The following DLGAP2 variants were observed in gnomAD, a reference collection of about 807,000 sequenced individuals.
DLGAP2 encodes the protein disks large-associated protein 2.
DLGAP2 carries 26 observed loss-of-function variants against 100.3 expected under a neutral mutation model. The ratio of observed to expected loss-of-function variants is 0.26; its 90% confidence interval spans 0.19 to 0.36. The LOEUF (loss-of-function observed/expected upper bound fraction) is 0.36. DLGAP2 is among the 10% of genes least tolerant of loss of function. The probability of loss-of-function intolerance (pLI) is 1.00; values close to 1 mark genes in which losing one functional copy is unlikely to be tolerated. For synonymous variants in DLGAP2, 886 were observed against 630.1 expected, an observed-to-expected ratio of 1.41 and a Z score of -6.08; for missense variants, 1,858 against 1,453.2, an observed-to-expected ratio of 1.28 and a Z score of -4.53.
intron 1 of DLGAP2, among the ~76,000 whole-genome samples, chr8:809,210 T>C (rs1734556848): frequency 2.6e-5 from 4 of 152,156 alleles, no homozygotes; most frequent in Admixed American, 2.6e-4. Context: ...CGGCCAATGA[T>C]TACTTCTTCA....
chr8:933,131 T>C (rs1487204995), intron 2 of DLGAP2, among the ~76,000 whole-genome samples: 1 of 152,390 alleles, frequency 6.6e-6, no homozygotes, highest in East Asian at 1.9e-4. Context: ...AGCTGCTGTC[T>C]GTTCCCTTCA....
chr8:1,665,913 C>T (rs1193620988), intron 8 of DLGAP2, among the ~76,000 whole-genome samples: 1 of 152,238 alleles, frequency 6.6e-6, no homozygotes, highest in African/African-American at 2.4e-5. Context: ...CATCTCCACC[C>T]GCGGGCTCTC....
rs1363084930 is a variant in DLGAP2, at chr8:759,087, TTCCTGTTATCAATACCCCC to T, written c.18+21263_18+21281del. 1.8e-3 allele frequency among the ~76,000 whole-genome samples: 83 copies of T among 46,736 alleles called. 6 individuals are homozygous for T. The highest frequency in any genetic ancestry group is 4.6e-3 in the African/African-American group (78 of 17,084). The allele number at this position is 46,736 out of a possible 152,430, so 30.7% of individuals were successfully genotyped here. ...CCCATTATCAATACCCCCCACAGCC[TTCCTGTTATCAATACCCCC>T]GACAGCCTTCCCATTATCAATACCC... On this transcript the variant is annotated intron_variant, in intron 1 of 14. Transcript: ENST00000637795.
chr8:773,449 A>C (rs1821421055), intron 1 of DLGAP2, among the ~76,000 whole-genome samples: 2 of 151,102 alleles, frequency 1.3e-5, no homozygotes, highest in Non-Finnish European at 2.9e-5. Context: ...TGCACTCACT[A>C]ACTCGTCATC....
chr8:958,707 C>G (rs1348260167), intron 2 of DLGAP2, among the ~76,000 whole-genome samples: 1 of 151,550 alleles, frequency 6.6e-6, no homozygotes, highest in African/African-American at 2.4e-5. Flanking sequence ...ATTTCTGTAT[C>G]TAGCATACCA....
chr8:1,042,107 C>T (rs981055664), intron 2 of DLGAP2, among the ~76,000 whole-genome samples: 1 of 152,188 alleles, frequency 6.6e-6, no homozygotes, highest in Non-Finnish European at 1.5e-5. Context: ...CACAGACAGG[C>T]AGGAGAGCCC....
intron 2 of DLGAP2, among the ~76,000 whole-genome samples, chr8:1,006,462 A>T (rs1168132859): frequency 8.0e-6 from 1 of 125,218 alleles, no homozygotes; most frequent in Non-Finnish European, 1.7e-5. Flanking sequence ...AAGTCTTGGT[A>T]TGTGGTCCTT....
chr8:1,465,138 C>T (rs1164411739), intron 3 of DLGAP2, among the ~76,000 whole-genome samples: 5 of 152,198 alleles, frequency 3.3e-5, no homozygotes, highest in Non-Finnish European at 7.3e-5. Context: ...GGGCTGGGTC[C>T]CCAAGACCAC....
intron 2 of DLGAP2, among the ~76,000 whole-genome samples, chr8:924,584 T>TTTTC (rs1006549181): frequency 2.6e-5 from 4 of 152,014 alleles, no homozygotes; most frequent in African/African-American, 9.7e-5. Flanking sequence ...TCTTTTTTTT[T>TTTTC]TTTCTTTCTT....
intron 2 of DLGAP2, among the ~76,000 whole-genome samples, chr8:1,174,880 A>G (rs1797220727): frequency 6.6e-6 from 1 of 152,208 alleles, no homozygotes; most frequent in South Asian, 2.1e-4. Flanking sequence ...GAGTGAGGGA[A>G]AGAAGGTGAG....
At chr8:1,573,286 GT>G (rs1563229997) in intron 6 of DLGAP2, among the ~76,000 whole-genome samples, 2 of 119,420 alleles carry the variant, frequency 1.7e-5, no homozygotes, top group African/African-American at 6.6e-5. Flanking sequence ...CTGTGGGGGT[GT>G]CTGATGAGAT....
intron 3 of DLGAP2, among the ~76,000 whole-genome samples, chr8:1,272,997 A>C (rs1207001018): frequency 6.6e-6 from 1 of 152,166 alleles, no homozygotes; most frequent in Non-Finnish European, 1.5e-5. Context: ...GACATTCCAA[A>C]GCCATCTGGG....
chr8:1,532,020 G>A (rs771880407), intron 4 of DLGAP2, among the ~76,000 whole-genome samples: 2 of 152,172 alleles, frequency 1.3e-5, no homozygotes, highest in Non-Finnish European at 2.9e-5. Flanking sequence ...CCGTCCAGAG[G>A]GGGTTCCAGG....
At chr8:804,689 T>G (rs997804887) in intron 1 of DLGAP2, among the ~76,000 whole-genome samples, 5 of 152,252 alleles carry the variant, frequency 3.3e-5, no homozygotes, top group African/African-American at 1.2e-4. Context: ...TTTTAAATAA[T>G]CTTTTCATTT....
chr8:990,323 C>T (rs1456149860), intron 2 of DLGAP2, among the ~76,000 whole-genome samples: 2 of 146,162 alleles, frequency 1.4e-5, no homozygotes, highest in Non-Finnish European at 3.0e-5. Context: ...CCCCTGCACC[C>T]CCATACTCGG....
Position 744,396 on chromosome 8 carries a change from A to G in DLGAP2, c.18+6571A>G, listed in dbSNP as rs75349848. Among the ~76,000 whole-genome samples, 1,022 of 152,262 alleles carry G rather than the reference A, an allele frequency of 6.7e-3. 4 individuals are homozygous for G. Among genetic ancestry groups the G allele is most frequent in the Non-Finnish European group, 0.01 (700 of 68,012 alleles). The stretch of plus-strand genomic sequence containing the variant: ...TGAACCCTGGCCCTGGGTCGCATCT[A>G]ATGATCTGAATGGGTGAAGGTGCAG... On this transcript the variant is annotated intron_variant, in intron 1 of 14. Coordinates refer to ENST00000637795, the MANE Select transcript of DLGAP2 (RefSeq NM_001346810.2).
intron 3 of DLGAP2, among the ~76,000 whole-genome samples, chr8:1,332,105 A>G (rs1264725709): frequency 2.6e-5 from 4 of 152,088 alleles, no homozygotes; most frequent in Non-Finnish European, 5.9e-5. Flanking sequence ...CCCAACAGCC[A>G]CCTTCCTTTG....
intron 1 of DLGAP2, among the ~76,000 whole-genome samples, chr8:807,581 GTT>G (rs1796292694): frequency 9.4e-6 from 1 of 106,156 alleles, no homozygotes; most frequent in African/African-American, 4.2e-5. Flanking sequence ...TCATTCATAT[GTT>G]CTCTCTCCTC....
chr8:1,662,776 G>A (rs1798438069), intron 8 of DLGAP2, among the ~76,000 whole-genome samples: 2 of 152,132 alleles, frequency 1.3e-5, no homozygotes, highest in Admixed American at 1.3e-4. Context: ...TGAGTGTGGG[G>A]TGTGTGTGTA....
Sources: gnomAD v4.1 joint callset for allele counts (sites outside exome capture counted in the v4.1 genomes callset) on GRCh38, gnomAD v4.1.1 for gene constraint, MANE v1.5 for transcripts, NCBI Gene and HGNC (gene_info 2026-07-23, HGNC 2026-07-21) for gene names.